Variants in PUS10 observed in about 807,000 individuals in gnomAD.
PUS10 encodes pseudouridine synthase 10.
A neutral mutation model predicts 75.0 loss-of-function variants in PUS10; 59 were observed. The observed-to-expected ratio is 0.79, with a 90% CI of 0.64 to 0.98. The LOEUF (loss-of-function observed/expected upper bound fraction) is 0.98, where lower values mean the gene tolerates loss of function less well. PUS10 is among the 50% of genes least tolerant of loss of function. The pLI, the probability that PUS10 is intolerant of heterozygous loss-of-function variation, is 0.00. For synonymous variants in PUS10, 219 were observed against 211.6 expected (o/e 1.03, Z -0.30); for missense variants, 650 against 614.4 (o/e 1.06, Z -0.61).
At chr2:60,962,499 G>A (rs967211486) in intron 9 of PUS10, among the ~76,000 whole-genome samples, 6 of 152,068 alleles carry the variant, frequency 3.9e-5, no homozygotes, top group African/African-American at 9.7e-5. Context: ...ACTAGAACCC[G>A]AGAGGCAGAG....
chr2:60,967,670 G>T, intron 5 of PUS10, 57 bp from the exon 6 acceptor site: 1 of 1,190,750 alleles, frequency 8.4e-7, no homozygotes. Context: ...TTCTATTAAA[G>T]GCAAGAATTT....
intron 4 of PUS10, among the ~76,000 whole-genome samples, chr2:60,995,638 AG>A (rs1246783500): frequency 2.6e-5 from 4 of 152,240 alleles, no homozygotes; most frequent in Non-Finnish European, 5.9e-5. Context: ...AGTTTAATAA[AG>A]ATCTCTACAG....
intron 4 of PUS10, among the ~76,000 whole-genome samples, chr2:60,999,628 A>G (rs529281953): frequency 4.6e-5 from 7 of 152,264 alleles, no homozygotes; most frequent in African/African-American, 1.4e-4. Flanking sequence ...TCAAATAAAT[A>G]AACACTATAA....
intron 4 of PUS10, among the ~76,000 whole-genome samples, chr2:60,979,870 G>A (rs1294360349): frequency 6.6e-6 from 1 of 152,266 alleles, no homozygotes; most frequent in Non-Finnish European, 1.5e-5. Context: ...AGCATAGAAT[G>A]AATCTGTGGG....
At chr2:60,943,307 C>A (rs765254380) in intron 17 of PUS10, among the ~76,000 whole-genome samples, 5 of 151,986 alleles carry the variant, frequency 3.3e-5, no homozygotes, top group Non-Finnish European at 5.9e-5. Context: ...ATTTCTGTTT[C>A]TTTAAAATCC....
chr2:60,964,926 G>A, intron 8 of PUS10, 132 bp downstream of exon 8: 2 of 818,930 alleles, frequency 2.4e-6, no homozygotes, highest in African/African-American at 1.7e-5. Flanking sequence ...GTAGCAAATG[G>A]AAATATTTAA....
rs1343605273 is a variant in PUS10 at position 60,941,663 on chromosome 2, G to A, written c.*732C>T. The A allele has an allele frequency of 6.6e-6, 1 of 152,196 alleles. No individual in the cohort carries two copies. Among genetic ancestry groups the A allele is most frequent in the African/African-American group, 2.4e-5 (1 of 41,418 alleles). The allele number at this position is 152,196 out of a possible 1,614,324, so 9.4% of individuals were successfully genotyped here. On this transcript the variant is annotated 3_prime_UTR_variant, in exon 18 of 18. Coordinates refer to ENST00000316752, the MANE Select transcript of PUS10 (RefSeq NM_144709.4). ...TAACCCTGGGATTGAAGTTATTAAA[G>A]GCACTTGTTTCTCCTTATTTAAAAG...
At chr2:60,960,964 T>C (rs910890176) in intron 10 of PUS10, among the ~76,000 whole-genome samples, 6 of 152,076 alleles carry the variant, frequency 3.9e-5, no homozygotes, top group Non-Finnish European at 8.8e-5. Context: ...TGAAGAGCAA[T>C]TTCACTTCAG....
At chr2:60,944,385 A>G (rs551751351) in intron 17 of PUS10, 2 of 234,902 alleles carry the variant, frequency 8.5e-6, no homozygotes, top group Non-Finnish European at 1.4e-5. Context: ...TATTATTCCC[A>G]AGTACAAATC....
intron 17 of PUS10, among the ~76,000 whole-genome samples, chr2:60,943,483 A>C (rs929453736): frequency 3.6e-4 from 55 of 151,970 alleles, no homozygotes; most frequent in African/African-American, 1.3e-3. Context: ...AAAAAAAAAA[A>C]AAACCCACCG....
At chr2:61,004,487 G>A (rs186874394) in intron 4 of PUS10, among the ~76,000 whole-genome samples, 173 of 152,050 alleles carry the variant, frequency 1.1e-3, no homozygotes, top group African/African-American at 3.9e-3. Flanking sequence ...AAATTAGCCG[G>A]GCATGGTGGC....
At chr2:60,965,820 G>A in intron 6 of PUS10, 1 of 173,686 alleles carries the variant, frequency 5.8e-6, no homozygotes, top group Admixed American at 6.3e-5. Flanking sequence ...GAGAAATGAA[G>A]AATTATTCTG....
At chr2:60,948,879 T>C (rs1675157655) in intron 15 of PUS10, among the ~76,000 whole-genome samples, 1 of 152,190 alleles carries the variant, frequency 6.6e-6, no homozygotes, top group Non-Finnish European at 1.5e-5. Flanking sequence ...GTCAACTAAT[T>C]CCAAGTTTTA....
intron 4 of PUS10, among the ~76,000 whole-genome samples, chr2:61,001,833 T>A (rs1238472565): frequency 2.0e-5 from 3 of 152,144 alleles, no homozygotes; most frequent in South Asian, 4.1e-4. Context: ...ATTGAGATAG[T>A]TTGGTTTGAA....
At chr2:60,998,881 C>G (rs1678659661) in intron 4 of PUS10, 1 of 151,860 alleles carries the variant, frequency 6.6e-6, no homozygotes, top group African/African-American at 2.4e-5. Flanking sequence ...TTTCTAGGGT[C>G]ATGTATAATT....
intron 8 of PUS10, among the ~76,000 whole-genome samples, chr2:60,963,343 G>A (rs1400229230): frequency 6.6e-6 from 1 of 152,226 alleles, no homozygotes; most frequent in African/African-American, 2.4e-5. Flanking sequence ...TTGGCTGCCA[G>A]GGTAAGGGAT....
chr2:60,973,169 C>T (rs1037872392), intron 4 of PUS10, among the ~76,000 whole-genome samples: 4 of 152,344 alleles, frequency 2.6e-5, no homozygotes, highest in African/African-American at 9.6e-5. Context: ...CTCAGGGGTC[C>T]ACAAGCACCC....
chr2:60,989,326 C>G lies in PUS10; in HGVS notation c.468+17231G>C, dbSNP rs924938067. Among the ~76,000 whole-genome samples, 3 of 152,262 alleles carry G rather than the reference C, an allele frequency of 2.0e-5. No individual in the cohort carries two copies. The East Asian group carries it at 5.8e-4, about 29-fold the overall frequency. On this transcript the variant is annotated intron_variant, in intron 4 of 17. Coordinates refer to ENST00000316752, the MANE Select transcript of PUS10 (RefSeq NM_144709.4). ...GCCAGGTGAATGTCCCTCTCTAACC[C>G]TAGTAAAAGAACAGAGTTTTATTTC...
intron 12 of PUS10, 56 bp downstream of exon 12, chr2:60,954,962 G>A: frequency 8.3e-7 from 1 of 1,205,850 alleles, no homozygotes; most frequent in Non-Finnish European, 1.2e-6. Context: ...CTGCTGTCTA[G>A]AAAGGATGAT....
Sources: allele counts gnomAD v4.1 joint callset (sites outside exome capture counted in the v4.1 genomes callset), GRCh38; gene constraint gnomAD v4.1.1; transcripts MANE v1.5; gene names NCBI Gene and HGNC (gene_info 2026-07-23, HGNC 2026-07-21).